The following PCMTD1 variants were observed in gnomAD, a reference collection of about 807,000 sequenced individuals.
PCMTD1 encodes protein-L-isoaspartate (D-aspartate) O-methyltransferase domain containing 1, also known as protein-L-isoaspartate O-methyltransferase domain-containing protein 1.
PCMTD1 carries 12 observed loss-of-function variants against 37.6 expected under a neutral mutation model. That is an observed-to-expected ratio of 0.32 (90% confidence interval 0.20 to 0.52). PCMTD1 has a LOEUF of 0.52. PCMTD1 is among the 20% of genes least tolerant of loss of function. The pLI, the probability that PCMTD1 is intolerant of heterozygous loss-of-function variation, is 0.97. For missense variants in PCMTD1, 235 were observed against 421.3 expected, an observed-to-expected ratio of 0.56 and a Z score of 3.87; for synonymous variants, 117 against 135.8, an observed-to-expected ratio of 0.86 and a Z score of 0.96.
At chr8:51,871,020 T>C (rs1045664434) in intron 1 of PCMTD1, among the ~76,000 whole-genome samples, 1 of 152,186 alleles carries the variant, frequency 6.6e-6, no homozygotes, top group Admixed American at 6.6e-5. Context: ...GTACACTGAA[T>C]ATAAAGTTTC....
At chr8:51,833,921 C>A (rs975821782) in intron 3 of PCMTD1, among the ~76,000 whole-genome samples, 49 of 152,062 alleles carry the variant, frequency 3.2e-4, no homozygotes, top group African/African-American at 1.1e-3. Flanking sequence ...AACATTTTTG[C>A]CCACACTGAA....
At chr8:51,828,415 TAGCATAAATATA>T (rs1429847011) in intron 5 of PCMTD1, among the ~76,000 whole-genome samples, 3 of 152,282 alleles carry the variant, frequency 2.0e-5, no homozygotes, top group African/African-American at 7.2e-5. Flanking sequence ...AGTACTAATA[TAGCATAAATATA>T]TAGAGTACAC....
chr8:51,875,962 CTG>C lies in PCMTD1; in HGVS notation c.-95-14718_-95-14717del, dbSNP rs982300718. On this transcript the variant is annotated intron_variant, in intron 1 of 5. Transcript: ENST00000522514. The stretch of plus-strand genomic sequence containing the variant: ...TGTTTGTGTGTGTGTGTGTGTGTGT[CTG>C]TGTGTGTGTGTGTGCATGTGCGTGC... Among the ~76,000 whole-genome samples, 265 of 86,698 alleles carry C rather than the reference CTG, an allele frequency of 3.1e-3. 5 individuals are homozygous for C. The East Asian group carries it at 0.067, about 22-fold the overall frequency. The allele number at this position is 86,698 out of a possible 152,430, so 56.9% of individuals were successfully genotyped here.
rs138864359 is a variant in PCMTD1 at position 51,822,117 on chromosome 8, T to C, written c.707-1399A>G. 9.4e-3 allele frequency among the ~76,000 whole-genome samples: 1,430 copies of C among 152,258 alleles called. 20 individuals carry two copies. The highest frequency in any genetic ancestry group is 0.011 in the Non-Finnish European group (737 of 68,016). Reference sequence around the variant, plus strand: ...TAAGATCTAGATGATATAACAGCCATGTAAACATCTTGCGGGCAGAGGGAA... The same window carrying C: ...TAAGATCTAGATGATATAACAGCCACGTAAACATCTTGCGGGCAGAGGGAA... On this transcript the variant is annotated intron_variant, in intron 5 of 5. Transcript: ENST00000522514.
Position 51,820,597 on chromosome 8 carries a change from C to T in PCMTD1, c.828G>A (p.Arg276=), listed in dbSNP as rs1427456719. ...TTCTCTGTTTAACTCTCTTTCTTTT[C>T]CTTTTGGGTGGAGCCCTTTGAGGAA... ...KGIPQRAPPK[R]KRKRVKQRIN... The change falls in exon 6 of 6, where the codon AGG becomes AGA. Residue 276 remains arginine (R), a synonymous_variant. Transcript: ENST00000522514. 7 of 1,611,022 alleles carry T rather than the reference C, an allele frequency of 4.3e-6. No homozygotes were observed. The South Asian group carries it at 5.5e-5, about 13-fold the overall frequency.
At chr8:51,853,173 T>C (rs530492073) in intron 2 of PCMTD1, among the ~76,000 whole-genome samples, 1 of 152,262 alleles carries the variant, frequency 6.6e-6, no homozygotes, top group South Asian at 2.1e-4. Context: ...CACACAGAGA[T>C]GTGAAATCCA....
At chr8:51,885,107 C>G (rs2038846135) in intron 1 of PCMTD1, among the ~76,000 whole-genome samples, 1 of 152,140 alleles carries the variant, frequency 6.6e-6, no homozygotes, top group South Asian at 2.1e-4. Flanking sequence ...ACACAAGCCA[C>G]CGAAATAAAG....
chr8:51,889,389 T>C (rs2038907224), intron 1 of PCMTD1, among the ~76,000 whole-genome samples: 1 of 152,204 alleles, frequency 6.6e-6, no homozygotes, highest in Non-Finnish European at 1.5e-5. Flanking sequence ...TCATAAAATT[T>C]CATGTAACAG....
At chr8:51,839,551 T>C in intron 3 of PCMTD1, 1 of 985,430 alleles carries the variant, frequency 1.0e-6, no homozygotes, top group Non-Finnish European at 1.2e-6. Flanking sequence ...CCCATATAAT[T>C]CTTTTGATAA....
intron 5 of PCMTD1, among the ~76,000 whole-genome samples, chr8:51,821,762 G>A (rs1335907152): frequency 6.6e-6 from 1 of 151,290 alleles, no homozygotes; most frequent in Non-Finnish European, 1.5e-5. Context: ...TTTTGAGACG[G>A]AGTTTCACTC....
chr8:51,889,926 TTAA>T (rs2038914104), intron 1 of PCMTD1, among the ~76,000 whole-genome samples: 1 of 150,330 alleles, frequency 6.7e-6, no homozygotes, highest in African/African-American at 2.5e-5. Context: ...GTGAAGTGAA[TTAA>T]TTTTATTGTG....
chr8:51,827,021 G>T (rs2037930818), intron 5 of PCMTD1: 5 of 965,140 alleles, frequency 5.2e-6, no homozygotes, highest in East Asian at 1.1e-4. Flanking sequence ...TGGGATTTTT[G>T]GAGTCGCGTT....
intron 1 of PCMTD1, among the ~76,000 whole-genome samples, chr8:51,878,811 C>T (rs1209516994): frequency 6.6e-6 from 1 of 151,268 alleles, no homozygotes; most frequent in Non-Finnish European, 1.5e-5. Flanking sequence ...TTTGTGCAGA[C>T]AGGAAACAGA....
intron 1 of PCMTD1, among the ~76,000 whole-genome samples, chr8:51,897,375 C>CA (rs2039019156): frequency 6.6e-6 from 1 of 151,560 alleles, no homozygotes; most frequent in South Asian, 2.1e-4. Flanking sequence ...ATCCCTGTTG[C>CA]TTTTTTTTTC....
chr8:51,876,290 A>C (rs1322445943), intron 1 of PCMTD1, among the ~76,000 whole-genome samples: 3 of 152,206 alleles, frequency 2.0e-5, no homozygotes, highest in African/African-American at 7.2e-5. Context: ...CAAAGCATGG[A>C]AAGATTGGGT....
At chr8:51,859,233 T>TC in intron 2 of PCMTD1, among the ~76,000 whole-genome samples, 2 of 149,878 alleles carry the variant, frequency 1.3e-5, no homozygotes, top group East Asian at 3.9e-4. Flanking sequence ...GGACAGCAAT[T>TC]CCCCCCTCTT....
chr8:51,850,892 G>A (rs949463684), intron 2 of PCMTD1, among the ~76,000 whole-genome samples: 4 of 151,978 alleles, frequency 2.6e-5, no homozygotes, highest in African/African-American at 7.2e-5. Context: ...GTAAAAAGTC[G>A]ACAGGAATAG....
At chr8:51,850,359 C>T (rs968706093) in intron 2 of PCMTD1, among the ~76,000 whole-genome samples, 1 of 152,146 alleles carries the variant, frequency 6.6e-6, no homozygotes, top group African/African-American at 2.4e-5. Flanking sequence ...GGGTTCTCAA[C>T]CCTGACTGCC....
chr8:51,898,912 C>CA lies in PCMTD1; in HGVS notation c.-96+17dup, dbSNP rs1272783945. The CA allele has an allele frequency of 1.5e-6, 2 of 1,322,980 alleles. No homozygotes were observed. Among genetic ancestry groups the CA allele is most frequent in the Non-Finnish European group, 1.9e-6 (2 of 1,038,072 alleles). The allele number at this position is 1,322,980 out of a possible 1,614,324, so 82.0% of individuals were successfully genotyped here. On this transcript the variant is annotated intron_variant, in intron 1 of 5. Transcript: ENST00000522514. ...CGCACACCCCACGACCCCGAGCCCC[C>CA]ACTGGCGGCGGCGTTACCTGTGGCG...
Sources: gnomAD v4.1 joint callset for allele counts (sites outside exome capture counted in the v4.1 genomes callset) on GRCh38, gnomAD v4.1.1 for gene constraint, MANE v1.5 for transcripts, NCBI Gene and HGNC (gene_info 2026-07-23, HGNC 2026-07-21) for gene names.